PRKCE: variants seen among roughly 807,000 people sequenced by gnomAD.
PRKCE encodes the protein protein kinase C epsilon.
Under a neutral mutation model 85.4 loss-of-function variants are expected in PRKCE, and 16 were observed. The observed-to-expected ratio is 0.19, with a 90% CI of 0.13 to 0.28. The LOEUF is 0.28. Ranked by LOEUF, PRKCE falls within the 10% of genes least tolerant of loss-of-function variation. The pLI is 1.00. For missense variants in PRKCE, 573 were observed against 975.2 expected (o/e 0.59, Z 5.49); for synonymous variants, 388 against 371.5 (o/e 1.04, Z -0.51).
chr2:45,873,970 A>T (rs1223481916), intron 2 of PRKCE, among the ~76,000 whole-genome samples: 1 of 152,256 alleles, frequency 6.6e-6, no homozygotes, highest in African/African-American at 2.4e-5. Context: ...GGCAGGAGAC[A>T]GATCTTGGAC....
At chr2:46,099,241 C>T (rs1353665780) in intron 11 of PRKCE, among the ~76,000 whole-genome samples, 1 of 152,112 alleles carries the variant, frequency 6.6e-6, no homozygotes, top group African/African-American at 2.4e-5. Context: ...AGCTTCCTCT[C>T]TGGGGTTTAT....
chr2:46,109,622 A>G (rs910938527), intron 11 of PRKCE, among the ~76,000 whole-genome samples: 11 of 152,124 alleles, frequency 7.2e-5, no homozygotes, highest in African/African-American at 2.4e-4. Context: ...TGGATTTTCT[A>G]CATAGACAAT....
chr2:45,698,835 G>A (rs1678370814), intron 1 of PRKCE, among the ~76,000 whole-genome samples: 1 of 152,146 alleles, frequency 6.6e-6, no homozygotes, highest in Admixed American at 6.5e-5. Flanking sequence ...TGCCTTTAGA[G>A]GGGAGTAGAA....
At chr2:45,669,042 G>T (rs1315881787) in intron 1 of PRKCE, among the ~76,000 whole-genome samples, 1 of 152,164 alleles carries the variant, frequency 6.6e-6, no homozygotes, top group East Asian at 1.9e-4. Context: ...TGGGACTGAA[G>T]ATTTAAAATT....
chr2:46,060,041 T>A (rs1157099653), intron 10 of PRKCE, among the ~76,000 whole-genome samples: 4 of 151,974 alleles, frequency 2.6e-5, no homozygotes, highest in Admixed American at 2.6e-4. Context: ...ATGGGAAAAA[T>A]TAAAACCAAA....
chr2:46,081,689 A>C (rs1416676496), intron 10 of PRKCE, among the ~76,000 whole-genome samples: 1 of 152,236 alleles, frequency 6.6e-6, no homozygotes, highest in African/African-American at 2.4e-5. Context: ...GCCCTGGGGC[A>C]GAGGGAACAA....
intron 1 of PRKCE, among the ~76,000 whole-genome samples, chr2:45,835,116 T>C (rs966069508): frequency 2.0e-5 from 3 of 152,220 alleles, no homozygotes; most frequent in African/African-American, 7.2e-5. Context: ...TTCACAGATG[T>C]GCTGTTGAAA....
intron 1 of PRKCE, among the ~76,000 whole-genome samples, chr2:45,727,349 C>T (rs746766442): frequency 2.6e-5 from 4 of 152,080 alleles, no homozygotes; most frequent in Admixed American, 1.3e-4. Flanking sequence ...CAAGCAATGG[C>T]GGAATGTTGT....
intron 10 of PRKCE, among the ~76,000 whole-genome samples, chr2:46,012,909 C>T (rs1333419028): frequency 6.6e-6 from 1 of 152,160 alleles, no homozygotes; most frequent in Non-Finnish European, 1.5e-5. Context: ...TGGATGTTGT[C>T]ATGGATGGCT....
chr2:45,936,065 A>C (rs1312224301), intron 2 of PRKCE, among the ~76,000 whole-genome samples: 1 of 152,072 alleles, frequency 6.6e-6, no homozygotes, highest in Non-Finnish European at 1.5e-5. Context: ...CTCTGTTAGG[A>C]GCCAGCCTGC....
chr2:46,008,842 G>A (rs1041089458), intron 9 of PRKCE, among the ~76,000 whole-genome samples: 5 of 152,178 alleles, frequency 3.3e-5, no homozygotes, highest in African/African-American at 7.2e-5. Flanking sequence ...TATAGTGTAG[G>A]CAGAATGGGA....
At chr2:46,018,479 A>AT (rs1558966477) in intron 10 of PRKCE, among the ~76,000 whole-genome samples, 2 of 152,220 alleles carry the variant, frequency 1.3e-5, no homozygotes, top group African/African-American at 2.4e-5. Flanking sequence ...CAAAAAAAAA[A>AT]ATTTTTTTAA....
At chr2:45,947,695 C>G (rs1447721676) in intron 2 of PRKCE, among the ~76,000 whole-genome samples, 2 of 152,074 alleles carry the variant, frequency 1.3e-5, no homozygotes, top group South Asian at 2.1e-4. Context: ...ATAATTCTGT[C>G]AGTTTGATAT....
At chr2:46,033,966 G>A (rs1707701307) in intron 10 of PRKCE, among the ~76,000 whole-genome samples, 1 of 152,208 alleles carries the variant, frequency 6.6e-6, no homozygotes, top group Admixed American at 6.5e-5. Context: ...GAAAGCCTAT[G>A]TTTCAGTTTA....
chr2:46,181,882 G>A lies in PRKCE; in HGVS notation c.2068-2853G>A, dbSNP rs914456062. Among the ~76,000 whole-genome samples the A allele has an allele frequency of 5.3e-5, 8 of 152,128 alleles. No individual in the cohort carries two copies. The East Asian group carries it at 1.5e-3, about 29-fold the overall frequency. On this transcript the variant is annotated intron_variant, in intron 14 of 14. Transcript: ENST00000306156. ...TAGTTGAAAAGAGGGAGCCTCCTCA[G>A]TGTGGTGAGTGCCAAGTTAGGAGAG...
At chr2:46,182,479 G>A (rs190661357) in intron 14 of PRKCE, among the ~76,000 whole-genome samples, 1 of 152,174 alleles carries the variant, frequency 6.6e-6, no homozygotes, top group East Asian at 1.9e-4. Flanking sequence ...CAAACCACCC[G>A]GCTTTCCCAT....
At position 46,185,106 on chromosome 2, in the gene PRKCE, A is replaced by G. The variant is rs61760007; in HGVS notation, c.*225A>G. 1.8e-3 allele frequency: 1,048 copies of G among 582,274 alleles called. 14 individuals carry two copies. Among genetic ancestry groups the G allele is most frequent in the African/African-American group, 0.018 (954 of 53,486 alleles). 36.1% of individuals were successfully genotyped at this position (582,274 alleles called of 1,614,324 possible). A position where few individuals can be genotyped will look rare whatever the true frequency, so the allele number is the denominator to read the frequency against. ...CTTGTCTCACCAGTAATGCAGACTC[A>G]TTGGGTCAGCAATTAGCTGTATACA... On this transcript the variant is annotated 3_prime_UTR_variant, in exon 15 of 15. Transcript: ENST00000306156. The surrounding 1 kb of genome is among the most constrained non-coding windows in gnomAD (Gnocchi z 4.7).
chr2:46,016,445 A>G (rs1706154095), intron 10 of PRKCE, among the ~76,000 whole-genome samples: 4 of 152,186 alleles, frequency 2.6e-5, no homozygotes, highest in Non-Finnish European at 5.9e-5. Flanking sequence ...GTCTTGAAGC[A>G]TAACAGGATT....
intron 2 of PRKCE, among the ~76,000 whole-genome samples, chr2:45,873,753 G>A (rs772384396): frequency 3.9e-5 from 6 of 152,086 alleles, no homozygotes; most frequent in Non-Finnish European, 7.4e-5. Flanking sequence ...CCTCAGTGTC[G>A]GTGTGTTCCC....
Sources: allele counts gnomAD v4.1 joint callset (sites outside exome capture counted in the v4.1 genomes callset), GRCh38; gene constraint gnomAD v4.1.1; non-coding constraint Gnocchi (gnomAD v3.1); transcripts MANE v1.5; gene names NCBI Gene and HGNC (gene_info 2026-07-23, HGNC 2026-07-21).